The following DAGLB variants were observed in gnomAD, a reference collection of about 807,000 sequenced individuals.
The protein encoded by DAGLB is diacylglycerol lipase beta, also known as diacylglycerol lipase-beta.
A neutral mutation model predicts 72.1 loss-of-function variants in DAGLB; 66 were observed. The observed-to-expected ratio is 0.92, with a 90% CI of 0.75 to 1.12. The LOEUF (loss-of-function observed/expected upper bound fraction) is 1.12. DAGLB is among the 50% of genes most tolerant of loss of function. The pLI is 0.00. For synonymous variants in DAGLB, 414 were observed against 359.5 expected (o/e 1.15, Z -1.71); for missense variants, 1,065 against 884.9 (o/e 1.20, Z -2.58).
At position 6,413,037 on chromosome 7, in the gene DAGLB, G is replaced by A. The variant is rs1203095791; in HGVS notation, c.1428-3C>T. 1.9e-6 allele frequency: 3 copies of A among 1,612,146 alleles called. No homozygotes were observed. Among genetic ancestry groups the A allele is most frequent in the South Asian group, 1.1e-5 (1 of 91,018 alleles). ...GAGAATATTCCTGCAGAGCTTTGCT[G>A]AAATTCCAAACAGAGAGAGGATGTT... On this transcript the variant is annotated splice_region_variant and splice_polypyrimidine_tract_variant and intron_variant, in intron 11 of 14. Transcript: ENST00000297056.
At chr7:6,444,988 T>C (rs1229572193) in intron 2 of DAGLB, among the ~76,000 whole-genome samples, 1 of 152,076 alleles carries the variant, frequency 6.6e-6, no homozygotes, top group Non-Finnish European at 1.5e-5. Context: ...TAACAAGTCA[T>C]ATAATAAGAG....
In DAGLB at chr7:6,430,626, A is replaced by C; in HGVS notation, c.802-19T>G. The C allele has an allele frequency of 1.9e-6, 3 of 1,570,192 alleles. No homozygotes were observed. The highest frequency in any genetic ancestry group is 2.6e-6 in the Non-Finnish European group (3 of 1,152,938). ...CAGCTTCCTACAAGAGAAGGACAAA[A>C]ACTACTGTTTATTAAGGGAACTCCT... On this transcript the variant is annotated intron_variant, in intron 5 of 14. Transcript: ENST00000297056.
chr7:6,430,669 C>T (rs1784457389), intron 5 of DAGLB, 62 bp from the exon 6 acceptor site: 3 of 1,430,264 alleles, frequency 2.1e-6, no homozygotes, highest in Middle Eastern at 3.8e-4. Context: ...AGGATCAACA[C>T]ACTGAGACCT....
chr7:6,410,687 T>A (rs1330937450), intron 13 of DAGLB, among the ~76,000 whole-genome samples: 1 of 152,152 alleles, frequency 6.6e-6, no homozygotes, highest in Non-Finnish European at 1.5e-5. Flanking sequence ...TTAATTATTT[T>A]CCGGCAATTC....
chr7:6,421,961 A>C, intron 8 of DAGLB, 157 bp from the exon 9 acceptor site: 1 of 828,566 alleles, frequency 1.2e-6, no homozygotes, highest in Non-Finnish European at 2.0e-6. Flanking sequence ...TAAAGAGGGA[A>C]ACCCAGCGGT....
intron 6 of DAGLB, among the ~76,000 whole-genome samples, chr7:6,430,091 A>G (rs925752662): frequency 6.7e-6 from 1 of 150,160 alleles, no homozygotes; most frequent in East Asian, 2.0e-4. Context: ...TGTAATTCCA[A>G]CTACTCAGGA....
intron 9 of DAGLB, among the ~76,000 whole-genome samples, chr7:6,419,601 C>T (rs982632419): frequency 2.6e-5 from 4 of 152,214 alleles, no homozygotes; most frequent in African/African-American, 4.8e-5. Flanking sequence ...TGAGCGGCAG[C>T]CTTCCCGACC....
At position 6,433,054 on chromosome 7, in the gene DAGLB, C is replaced by G. The variant is rs563116795; in HGVS notation, c.679-95G>C. 8.7e-6 allele frequency: 13 copies of G among 1,499,692 alleles called. No individual in the cohort carries two copies. In the Admixed American group the frequency reaches 1.8e-4, roughly 21 times the overall value. 92.9% of individuals were successfully genotyped at this position (1,499,692 alleles called of 1,614,324 possible). On this transcript the variant is annotated intron_variant, in intron 4 of 14. Transcript: ENST00000297056. ...GTCTTCTATAGTTGATAGGCATTCACGCACACACAGACATTTCTAGACACA... is the reference window on the plus strand; with the variant it reads ...GTCTTCTATAGTTGATAGGCATTCAGGCACACACAGACATTTCTAGACACA...
intron 4 of DAGLB, 28 bp downstream of exon 4, chr7:6,434,734 C>T (rs1784599745): frequency 6.2e-7 from 1 of 1,611,268 alleles, no homozygotes; most frequent in Non-Finnish European, 8.5e-7. Context: ...ACAGAAGAAA[C>T]AGACCAAACC....
intron 7 of DAGLB, 21 bp downstream of exon 7, chr7:6,425,967 C>T (rs836524): frequency 0.03 from 48,692 of 1,612,548 alleles, 2,174 homozygotes; most frequent in African/African-American, 0.17. Context: ...AGTGAAGAGC[C>T]GCTGTCTGCA....
At chr7:6,430,285 A>ATATATATATATATATG (rs1784444801) in intron 6 of DAGLB, among the ~76,000 whole-genome samples, 195 bp downstream of exon 6, 1 of 98,416 alleles carries the variant, frequency 1.0e-5, no homozygotes, top group Non-Finnish European at 2.0e-5. Context: ...ATATATATGC[A>ATATATATATATATATG]GGGGGGAGGG....
chr7:6,436,273 G>A (rs1184193525), intron 3 of DAGLB, 89 bp downstream of exon 3: 1 of 1,471,530 alleles, frequency 6.8e-7, no homozygotes, highest in Non-Finnish European at 9.1e-7. Context: ...GGAAGTCCGA[G>A]GGACGCTGGA....
At chr7:6,438,702 G>C (rs1019836813) in intron 2 of DAGLB, among the ~76,000 whole-genome samples, 1 of 152,166 alleles carries the variant, frequency 6.6e-6, no homozygotes, top group South Asian at 2.1e-4. Context: ...CACAGACAAG[G>C]AATCAAGAGA....
At chr7:6,425,662 C>G (rs73342941) in intron 7 of DAGLB, among the ~76,000 whole-genome samples, 3,464 of 152,258 alleles carry the variant, frequency 0.023, 137 homozygotes, top group African/African-American at 0.079. Context: ...ACTCACAACC[C>G]AGGACGACGA....
At position 6,426,088 on chromosome 7, in the gene DAGLB, T is replaced by A; in HGVS notation, c.956A>T (p.Asp319Val). ...GTTGAGCTGATCGCCTCCGACCAAG[T>A]CATAGTCTGTGGTTCTGCTTCTGCA... The part of the protein sequence containing the change: ...DCCRSRTTDY[D>V]LVGGDQLNCH... The change falls in exon 7 of 15, where the codon GAC becomes GTC. Residue 319 changes from aspartate to valine, a missense_variant. Physicochemically the swap from Asp to Val is radical, Grantham distance 152. Transcript: ENST00000297056. The A allele has an allele frequency of 1.2e-6, 2 of 1,613,818 alleles. No homozygotes were observed. Among genetic ancestry groups the A allele is most frequent in the African/African-American group, 1.3e-5 (1 of 75,012 alleles).
intron 8 of DAGLB, among the ~76,000 whole-genome samples, chr7:6,423,366 C>T (rs890221450): frequency 2.6e-5 from 4 of 152,130 alleles, no homozygotes; most frequent in African/African-American, 9.7e-5. Context: ...GAGAGAGGGC[C>T]ACATAGGCTG....
Position 6,434,750 on chromosome 7 carries a change from C to A in DAGLB, c.678+12G>T. ...CAGAAGAAACAGACCAAACCAGATC[C>A]CCTCGGCTTACTGAAAAGTAGGTTG... On this transcript the variant is annotated intron_variant, in intron 4 of 14. Transcript: ENST00000297056. The A allele has an allele frequency of 5.0e-6, 8 of 1,613,988 alleles. No homozygotes were observed. The highest frequency in any genetic ancestry group is 6.8e-6 in the Non-Finnish European group (8 of 1,179,884).
At chr7:6,443,613 A>C (rs1477569797) in intron 2 of DAGLB, among the ~76,000 whole-genome samples, 1 of 152,142 alleles carries the variant, frequency 6.6e-6, no homozygotes, top group Non-Finnish European at 1.5e-5. Context: ...TGCTCCTATG[A>C]GCTAACACCT....
chr7:6,416,281 C>T (rs754511971), intron 11 of DAGLB: 4 of 186,966 alleles, frequency 2.1e-5, no homozygotes, highest in Admixed American at 5.6e-5. Flanking sequence ...CGGTGGCTCA[C>T]GCCTGTAATC....
Sources: gnomAD v4.1 joint callset for allele counts (sites outside exome capture counted in the v4.1 genomes callset) on GRCh38, gnomAD v4.1.1 for gene constraint, MANE v1.5 for transcripts, NCBI Gene and HGNC (gene_info 2026-07-23, HGNC 2026-07-21) for gene names.